The following BAHD1 variants were observed in gnomAD, a reference collection of about 807,000 sequenced individuals.
BAHD1 encodes bromo adjacent homology domain-containing 1 protein.
BAHD1 carries 20 observed loss-of-function variants against 63.1 expected under a neutral mutation model. The ratio of observed to expected loss-of-function variants is 0.32; its 90% CI spans 0.22 to 0.46. The LOEUF is 0.46. BAHD1 is among the 20% of genes least tolerant of loss of function. The pLI, the probability that BAHD1 is intolerant of heterozygous loss-of-function variation, is 1.00. For synonymous variants in BAHD1, 408 were observed against 426.8 expected (o/e 0.96, Z 0.54); for missense variants, 939 against 1,071.8 (o/e 0.88, Z 1.73).
At chr15:40,451,847 G>T (rs4924471) in intron 1 of BAHD1, among the ~76,000 whole-genome samples, 19,534 of 152,264 alleles carry the variant, frequency 0.13, 2,274 homozygotes, top group East Asian at 0.65. Flanking sequence ...GAAGAAGCTG[G>T]GGGAAGGCAC....
chr15:40,442,980 T>G (rs1241845614), intron 1 of BAHD1, among the ~76,000 whole-genome samples: 1 of 152,342 alleles, frequency 6.6e-6, no homozygotes, highest in Non-Finnish European at 1.5e-5. Context: ...GGTGACCAGC[T>G]GTGAGCTGGA....
At chr15:40,442,160 C>G (rs938456308) in intron 1 of BAHD1, among the ~76,000 whole-genome samples, 3 of 152,038 alleles carry the variant, frequency 2.0e-5, no homozygotes, top group African/African-American at 7.2e-5. Context: ...CAGGTCGGGC[C>G]CGAGGGGCTC....
intron 4 of BAHD1, 104 bp downstream of exon 4, chr15:40,464,124 C>T (rs1046588607): frequency 2.2e-5 from 29 of 1,333,442 alleles, no homozygotes; most frequent in Non-Finnish European, 2.8e-5. Flanking sequence ...TGAGTCTCCC[C>T]GTGTTCCTGG....
Position 40,462,212 on chromosome 15 carries a change from C to A in BAHD1, c.1733C>A (p.Pro578Gln), listed in dbSNP as rs756162183. 1 of 1,611,832 alleles carries A rather than the reference C, an allele frequency of 6.2e-7. No individual in the cohort carries two copies. The highest frequency in any genetic ancestry group is 1.7e-5 in the Admixed American group (1 of 59,958). ...SHPKQPRVQR[P>Q]RPRRRRRRRT... is the part of the protein sequence containing the mutation. Reference sequence around the variant, plus strand: ...CCCAAGCAGCCACGTGTCCAGCGCCCACGCCCTCGCCGCCGCCGTCGCCGC... The same window carrying A: ...CCCAAGCAGCCACGTGTCCAGCGCCAACGCCCTCGCCGCCGCCGTCGCCGC... Residue 578 changes from proline (P) to glutamine (Q), a missense_variant, in exon 3 of 7, where the codon CCA (proline) becomes CAA (glutamine). Pro to Gln is a moderately conservative substitution (Grantham distance 76). This residue lies in a region of BAHD1 where 797 missense variants were observed against 813.3 expected (regional missense o/e 0.98). Coordinates refer to ENST00000416165, the MANE Select transcript of BAHD1 (RefSeq NM_014952.5).
rs1211115318 is a variant in BAHD1, at chr15:40,459,548, G to A, written c.1084G>A (p.Ala362Thr). 5.6e-6 allele frequency: 9 copies of A among 1,613,968 alleles called. No individual in the cohort carries two copies. Among genetic ancestry groups the A allele is most frequent in the Non-Finnish European group, 7.6e-6 (9 of 1,180,032 alleles). ...LSPLPMPGNP[A>T]DYNGLCVGPE... ...GCCGCTGCCGATGCCTGGCAACCCC[G>A]CCGACTACAATGGCCTGTGTGTTGG... Residue 362 changes from alanine (A) to threonine (T), a missense_variant, in exon 2 of 7, where the codon GCC (alanine) becomes ACC (threonine). Ala to Thr is a moderately conservative substitution (Grantham distance 58, BLOSUM62 0). This residue lies in a region of BAHD1 where 797 missense variants were observed against 813.3 expected (regional missense o/e 0.98). Transcript: ENST00000416165.
intron 1 of BAHD1, among the ~76,000 whole-genome samples, chr15:40,445,807 A>G (rs1893525705): frequency 6.6e-6 from 1 of 152,198 alleles, no homozygotes; most frequent in South Asian, 2.1e-4. Flanking sequence ...CAGTCTGGCA[A>G]GGCTCACTTC....
rs753175585 is a variant in BAHD1 at position 40,458,758 on chromosome 15, G to C, written c.294G>C (p.Lys98Asn). The change falls in exon 2 of 7, where the codon AAG becomes AAC. Residue 98 changes from lysine to asparagine, a missense_variant. Transcript: ENST00000416165. The surrounding 1 kb of genome is among the most constrained non-coding windows in gnomAD (Gnocchi z 4.7). The part of the protein sequence containing the change: ...EADELPPDLP[K>N]PPSPAPSSED... ...ATGAGCTACCGCCTGACCTGCCCAA[G>C]CCCCCCAGCCCGGCCCCATCCAGTG... The C allele has an allele frequency of 6.2e-7, 1 of 1,613,166 alleles. No individual in the cohort carries two copies. Among genetic ancestry groups the C allele is most frequent in the Non-Finnish European group, 8.5e-7 (1 of 1,180,008 alleles).
At chr15:40,446,060 C>T (rs879476796) in intron 1 of BAHD1, among the ~76,000 whole-genome samples, 2 of 152,216 alleles carry the variant, frequency 1.3e-5, no homozygotes, top group Non-Finnish European at 2.9e-5. Flanking sequence ...TAGCTCCTGA[C>T]CCCTCAGGCT....
intron 1 of BAHD1, among the ~76,000 whole-genome samples, chr15:40,451,688 C>G (rs963764328): frequency 6.6e-6 from 1 of 152,254 alleles, no homozygotes; most frequent in Admixed American, 6.5e-5. Flanking sequence ...CCACATGGGT[C>G]TCCCTCTGCT....
At chr15:40,451,433 A>C (rs905652943) in intron 1 of BAHD1, among the ~76,000 whole-genome samples, 15 of 152,102 alleles carry the variant, frequency 9.9e-5, no homozygotes, top group Admixed American at 6.5e-5. Context: ...CCATGCTCCA[A>C]CTCTTAGTCT....
At position 40,459,439 on chromosome 15, in the gene BAHD1, G is replaced by A; in HGVS notation, c.975G>A (p.Lys325=). 6.2e-7 allele frequency: 1 copy of A among 1,613,426 alleles called. No homozygotes were observed. Among genetic ancestry groups the A allele is most frequent in the Non-Finnish European group, 8.5e-7 (1 of 1,179,962 alleles). The part of the protein sequence containing the change: ...PLLMGGQAAL[K]PEPGRPGEES... ...TGATGGGTGGACAGGCGGCTCTGAAGCCGGAGCCTGGGCGCCCAGGCGAGG... is the reference window on the plus strand; with the variant it reads ...TGATGGGTGGACAGGCGGCTCTGAAACCGGAGCCTGGGCGCCCAGGCGAGG... Residue 325 remains lysine, a synonymous_variant, in exon 2 of 7, where the codon AAG becomes AAA. Transcript: ENST00000416165.
intron 1 of BAHD1, among the ~76,000 whole-genome samples, chr15:40,453,133 G>A (rs1893754152): frequency 1.3e-5 from 2 of 152,150 alleles, no homozygotes; most frequent in Non-Finnish European, 1.5e-5. Context: ...GCTTACCACC[G>A]CTCCTAAGGA....
rs1416129782 is a variant in BAHD1 at position 40,467,837 on chromosome 15, C to T, written c.*1707C>T. 2 of 152,622 alleles carry T rather than the reference C, an allele frequency of 1.3e-5. No homozygotes were observed. The highest frequency in any genetic ancestry group is 2.9e-5 in the Non-Finnish European group (2 of 68,078). 9.5% of individuals were successfully genotyped at this position (152,622 alleles called of 1,614,324 possible). Reference sequence around the variant, plus strand: ...GGTTGGCAGAGTGGCAGTGGGGGCTCTGCAGAGCCAGCCTTGGAGCCTGCT... The same window carrying T: ...GGTTGGCAGAGTGGCAGTGGGGGCTTTGCAGAGCCAGCCTTGGAGCCTGCT... On this transcript the variant is annotated 3_prime_UTR_variant, in exon 7 of 7. Coordinates refer to ENST00000416165, the MANE Select transcript of BAHD1 (RefSeq NM_014952.5).
upstream of BAHD1, among the ~76,000 whole-genome samples, chr15:40,438,223 G>A (rs1893317397): frequency 6.6e-6 from 1 of 152,188 alleles, no homozygotes. Flanking sequence ...AGGAAGAGGT[G>A]GAGCCCTTTC....
chr15:40,439,228 GT>G (rs934901847), upstream of BAHD1, among the ~76,000 whole-genome samples: 1 of 152,218 alleles, frequency 6.6e-6, no homozygotes, highest in Non-Finnish European at 1.5e-5. Flanking sequence ...CCGTGCCACA[GT>G]TTTAGCTTTT....
chr15:40,440,731 C>A (rs937778730), upstream of BAHD1, among the ~76,000 whole-genome samples: 2 of 152,170 alleles, frequency 1.3e-5, no homozygotes, highest in African/African-American at 4.8e-5. Flanking sequence ...CACCACTCCC[C>A]GCACCGCCTC....
At chr15:40,450,385 A>G (rs1047921300) in intron 1 of BAHD1, among the ~76,000 whole-genome samples, 7 of 152,166 alleles carry the variant, frequency 4.6e-5, no homozygotes, top group Non-Finnish European at 8.8e-5. Context: ...TCAGGACTAG[A>G]GCTAGCACCT....
intron 3 of BAHD1, 70 bp downstream of exon 3, chr15:40,462,364 A>G: frequency 6.6e-7 from 1 of 1,524,372 alleles, no homozygotes; most frequent in Non-Finnish European, 8.8e-7. Flanking sequence ...GCAGTGAGGT[A>G]GGTGCTAGAA....
chr15:40,462,476 C>G (rs1894079200), intron 3 of BAHD1, among the ~76,000 whole-genome samples, 182 bp downstream of exon 3: 1 of 152,054 alleles, frequency 6.6e-6, no homozygotes, highest in African/African-American at 2.4e-5. Context: ...CCCTAGCCCC[C>G]TACTGATCCT....
Sources: allele counts gnomAD v4.1 joint callset (sites outside exome capture counted in the v4.1 genomes callset), GRCh38; gene constraint gnomAD v4.1.1; regional missense constraint gnomAD v4.1.1; non-coding constraint Gnocchi (gnomAD v3.1); transcripts MANE v1.5; gene names NCBI Gene and HGNC (gene_info 2026-07-23, HGNC 2026-07-21).